ANKHD1: variants seen among roughly 807,000 people sequenced by gnomAD.
ANKHD1 encodes ankyrin repeat and KH domain-containing protein 1.
Under a neutral mutation model 230.5 loss-of-function variants are expected in ANKHD1, and 31 were observed. That is an observed-to-expected ratio of 0.13 (90% CI 0.10 to 0.18). The LOEUF (loss-of-function observed/expected upper bound fraction) is 0.18, where lower values mean the gene tolerates loss of function less well. ANKHD1 is among the 10% of genes least tolerant of loss of function. The pLI is 1.00. For missense variants in ANKHD1, 2,256 were observed against 3,071.3 expected, an observed-to-expected ratio of 0.73 and a Z score of 6.27; for synonymous variants, 1,074 against 1,117.6, an observed-to-expected ratio of 0.96 and a Z score of 0.78.
intron 32 of ANKHD1, among the ~76,000 whole-genome samples, chr5:140,538,621 A>G (rs1337012341): frequency 6.6e-6 from 1 of 152,220 alleles, no homozygotes; most frequent in Non-Finnish European, 1.5e-5. Flanking sequence ...TCTTAGCTCA[A>G]GCTTATTCAT....
Position 140,526,132 on chromosome 5 carries a change from G to A in ANKHD1, c.4629G>A (p.Arg1543=). ...TGGTGACAACTCCCAGCACCAATCG[G>A]AAAAATAAGAAGAACAAAACAAAAG... ...ANVVTTPSTN[R]KNKKNKTKET... The change falls in exon 26 of 34, where the codon CGG becomes CGA. Residue 1543 remains arginine, a synonymous_variant. Transcript: ENST00000360839. 6.2e-7 allele frequency: 1 copy of A among 1,613,560 alleles called. No individual in the cohort carries two copies. The highest frequency in any genetic ancestry group is 2.2e-5 in the East Asian group (1 of 44,880).
intron 1 of ANKHD1, among the ~76,000 whole-genome samples, chr5:140,420,264 A>G (rs1275256922): frequency 2.6e-5 from 4 of 151,780 alleles, no homozygotes; most frequent in African/African-American, 9.7e-5. Flanking sequence ...TGCTGGGATT[A>G]TATGCATGAG....
chr5:140,467,974 A>G (rs1776212336), intron 10 of ANKHD1, among the ~76,000 whole-genome samples: 1 of 145,808 alleles, frequency 6.9e-6, no homozygotes, highest in Admixed American at 6.9e-5. Context: ...TCCATCCCCC[A>G]TTGCATGCAG....
chr5:140,523,921 C>T (rs1753482771), intron 24 of ANKHD1, 145 bp from the exon 25 acceptor site: 2 of 1,089,244 alleles, frequency 1.8e-6, no homozygotes, highest in South Asian at 2.0e-5. Flanking sequence ...TGATGGTGTC[C>T]AGTTTATTTT....
intron 10 of ANKHD1, among the ~76,000 whole-genome samples, chr5:140,478,950 T>C (rs1751113215): frequency 6.6e-6 from 1 of 150,484 alleles, no homozygotes; most frequent in Non-Finnish European, 1.5e-5. Flanking sequence ...GGCCAAGAAA[T>C]AGATACTTTC....
chr5:140,470,860 C>T (rs1316281159), intron 10 of ANKHD1, among the ~76,000 whole-genome samples: 1 of 151,974 alleles, frequency 6.6e-6, no homozygotes, highest in African/African-American at 2.4e-5. Flanking sequence ...CCGCTGGGCT[C>T]AAGCGATCTA....
chr5:140,439,265 C>T (rs955444786), intron 3 of ANKHD1, among the ~76,000 whole-genome samples: 14 of 152,268 alleles, frequency 9.2e-5, no homozygotes, highest in Non-Finnish European at 1.5e-4. Context: ...CTTTGGGAAT[C>T]ATTATACAAG....
At chr5:140,479,425 A>C (rs185758247) in intron 10 of ANKHD1, among the ~76,000 whole-genome samples, 11 of 152,286 alleles carry the variant, frequency 7.2e-5, no homozygotes, top group African/African-American at 2.6e-4. Flanking sequence ...AAAAAATCAG[A>C]AACAATTTGT....
intron 14 of ANKHD1, among the ~76,000 whole-genome samples, chr5:140,491,080 A>ATG (rs1356342178): frequency 5.5e-5 from 7 of 126,230 alleles, no homozygotes; most frequent in East Asian, 2.3e-4. Context: ...GTATGTATAT[A>ATG]TGTGTGTGTG....
In ANKHD1 at chr5:140,458,745, G is replaced by A. The variant is rs948972316; in HGVS notation, c.1363G>A (p.Ala455Thr). The change falls in exon 8 of 34, where the codon GCT becomes ACT. Residue 455 changes from alanine to threonine, a missense_variant. Ala to Thr is a moderately conservative substitution (Grantham distance 58, BLOSUM62 0). Coordinates refer to ENST00000360839, the MANE Select transcript of ANKHD1 (RefSeq NM_017747.3). ...CTGTGGAGGACATGTTGAATTGGCAGCTCTACTTATTGAAAGGGGAGCAAA... is the reference window on the plus strand; with the variant it reads ...CTGTGGAGGACATGTTGAATTGGCAACTCTACTTATTGAAAGGGGAGCAAA... ...AACGGHVELAALLIERGANLE... is the reference protein window; with the variant it reads ...AACGGHVELATLLIERGANLE... 10 of 1,613,324 alleles carry A rather than the reference G, an allele frequency of 6.2e-6. No individual in the cohort carries two copies. The highest frequency in any genetic ancestry group is 8.5e-6 in the Non-Finnish European group (10 of 1,179,786).
In ANKHD1 at chr5:140,465,881, C is replaced by A. The variant is rs577488149; in HGVS notation, c.1782+1105C>A. ...TACATCTTAGTCTTTTGACTTCTTT[C>A]TATATCTTTTTCCTTTTATAGAGTT... On this transcript the variant is annotated intron_variant, in intron 10 of 33. Coordinates refer to ENST00000360839, the MANE Select transcript of ANKHD1 (RefSeq NM_017747.3). Among the ~76,000 whole-genome samples the A allele has an allele frequency of 9.2e-5, 14 of 152,192 alleles. 1 individual carries two copies. The South Asian group carries it at 2.9e-3, about 32-fold the overall frequency.
At chr5:140,480,332 T>C (rs1372241151) in intron 10 of ANKHD1, among the ~76,000 whole-genome samples, 1 of 152,146 alleles carries the variant, frequency 6.6e-6, no homozygotes, top group African/African-American at 2.4e-5. Flanking sequence ...GACTGTACTT[T>C]CTGATTTCTT....
Position 140,438,615 on chromosome 5 carries a change from C to T in ANKHD1, c.615C>T (p.Asp205=), listed in dbSNP as rs766488772. Residue 205 remains aspartate, a splice_region_variant and synonymous_variant, in exon 3 of 34, where the codon GAC becomes GAT. Transcript: ENST00000360839. ...ACAGCCACAATGCAGGACAAGTGGACACGTATGTGTTTAATGACTTTTGGA... is the reference window on the plus strand; with the variant it reads ...ACAGCCACAATGCAGGACAAGTGGATACGTATGTGTTTAATGACTTTTGGA... ...AENSHNAGQV[D]TRSLAEACSD... 3.9e-5 allele frequency: 62 copies of T among 1,589,052 alleles called. No homozygotes were observed. The highest frequency in any genetic ancestry group is 4.7e-5 in the Non-Finnish European group (55 of 1,166,140).
In ANKHD1 at chr5:140,487,017, A is replaced by T; in HGVS notation, c.2202A>T (p.Arg734Ser). ...AMVVPPQEPD[R>S]TSQENSPALL... ...TTGTACCTCCCCAGGAACCTGACAG[A>T]ACTTCACAGGAGAACTCTCCTGCCC... Residue 734 changes from arginine to serine, a missense_variant, in exon 14 of 34, where the codon AGA becomes AGT. This residue lies in a region of ANKHD1 where 358 missense variants were observed against 397.7 expected (regional missense o/e 0.90). Transcript: ENST00000360839. The T allele has an allele frequency of 6.2e-7, 1 of 1,613,644 alleles. No homozygotes were observed. Among genetic ancestry groups the T allele is most frequent in the Middle Eastern group, 1.7e-4 (1 of 6,056 alleles).
rs116788752 is a variant in ANKHD1 at position 140,511,958 on chromosome 5, G to A, written c.4105-870G>A. Among the ~76,000 whole-genome samples the A allele has an allele frequency of 2.1e-3, 325 of 152,264 alleles. 2 individuals are homozygous for A. Among genetic ancestry groups the A allele is most frequent in the African/African-American group, 7.4e-3 (309 of 41,548 alleles). On this transcript the variant is annotated intron_variant, in intron 22 of 33. Transcript: ENST00000360839. ...TTACATTAAAATAGATATGCTGGCCGGGTGCGGTGGCTCACGCCCATAATC... is the reference window on the plus strand; with the variant it reads ...TTACATTAAAATAGATATGCTGGCCAGGTGCGGTGGCTCACGCCCATAATC...
intron 14 of ANKHD1, among the ~76,000 whole-genome samples, chr5:140,493,879 A>G (rs1442861826): frequency 2.0e-5 from 3 of 151,998 alleles, no homozygotes; most frequent in African/African-American, 7.2e-5. Flanking sequence ...TCAAAATTCT[A>G]CTCTTATTTT....
chr5:140,532,361 C>G (rs1753868739), intron 29 of ANKHD1, among the ~76,000 whole-genome samples: 1 of 152,090 alleles, frequency 6.6e-6, no homozygotes, highest in Non-Finnish European at 1.5e-5. Flanking sequence ...TCCATAGAGA[C>G]AGAAAGTAGA....
chr5:140,404,191 C>T (rs75467433), intron 1 of ANKHD1, among the ~76,000 whole-genome samples: 2,469 of 152,166 alleles, frequency 0.016, 74 homozygotes, highest in African/African-American at 0.056. Flanking sequence ...TTCAGTGAAA[C>T]GTGAGAGATT....
At position 140,455,693 on chromosome 5, in the gene ANKHD1, T is replaced by G. The variant is rs557368584; in HGVS notation, c.1243-2932T>G. ...TTCATGCTAAAAACTCTCAATAAAT[T>G]AGGTATTGATGGGACATATCTCAAA... On this transcript the variant is annotated intron_variant, in intron 7 of 33. Coordinates refer to ENST00000360839, the MANE Select transcript of ANKHD1 (RefSeq NM_017747.3). Among the ~76,000 whole-genome samples, 90 of 152,210 alleles carry G rather than the reference T, an allele frequency of 5.9e-4. 1 individual carries two copies. In the East Asian group the frequency reaches 0.013, roughly 22 times the overall value.
Sources: gnomAD v4.1 joint callset for allele counts (sites outside exome capture counted in the v4.1 genomes callset) on GRCh38, gnomAD v4.1.1 for gene constraint, gnomAD v4.1.1 regional missense constraint, MANE v1.5 for transcripts, NCBI Gene and HGNC (gene_info 2026-07-23, HGNC 2026-07-21) for gene names.